PRKCA: variants seen among roughly 807,000 people sequenced by gnomAD.
The protein encoded by PRKCA is protein kinase C alpha type.
PRKCA carries 27 observed loss-of-function variants against 87.0 expected under a neutral mutation model. That is an observed-to-expected ratio of 0.31 (90% CI 0.23 to 0.43). PRKCA has a LOEUF of 0.43. Ranked by LOEUF, PRKCA falls within the 20% of genes least tolerant of loss-of-function variation. The pLI is 1.00. For missense variants in PRKCA, 518 were observed against 852.3 expected, an observed-to-expected ratio of 0.61 and a Z score of 4.88; for synonymous variants, 329 against 311.1, an observed-to-expected ratio of 1.06 and a Z score of -0.61.
intron 3 of PRKCA, among the ~76,000 whole-genome samples, chr17:66,566,472 G>GTTTT (rs1326306508): frequency 1.5e-5 from 1 of 66,166 alleles, no homozygotes; most frequent in Non-Finnish European, 2.9e-5. Flanking sequence ...AACTGTTGTT[G>GTTTT]TTTTTTGGTT....
intron 1 of PRKCA, among the ~76,000 whole-genome samples, chr17:66,305,079 C>T (rs936405117): frequency 1.3e-5 from 2 of 152,120 alleles, no homozygotes; most frequent in African/African-American, 4.8e-5. Context: ...GAAAATGCCC[C>T]CCTGAGGATC....
intron 3 of PRKCA, among the ~76,000 whole-genome samples, chr17:66,639,102 C>G (rs1971222316): frequency 6.6e-6 from 1 of 152,220 alleles, no homozygotes; most frequent in Non-Finnish European, 1.5e-5. Flanking sequence ...TGCCCTTCCC[C>G]AAACCCTGAT....
intron 2 of PRKCA, among the ~76,000 whole-genome samples, chr17:66,340,380 C>CTT (rs764343807): frequency 7.8e-5 from 10 of 127,872 alleles, no homozygotes; most frequent in Middle Eastern, 3.8e-3. Context: ...TTTTTTTTTT[C>CTT]TTTTTTTTTT....
chr17:66,798,413 A>ATGGTGGTGGTGG, intron 16 of PRKCA, among the ~76,000 whole-genome samples: 1 of 51,766 alleles, frequency 1.9e-5, no homozygotes, highest in Non-Finnish European at 3.7e-5. Context: ...GGTGATGGTG[A>ATGGTGGTGGTGG]TGGTGGTGGT....
At chr17:66,770,424 T>C (rs765491241) in intron 13 of PRKCA, among the ~76,000 whole-genome samples, 1 of 152,208 alleles carries the variant, frequency 6.6e-6, no homozygotes, top group Non-Finnish European at 1.5e-5. Flanking sequence ...TCTGTCTTTA[T>C]ATGGTATAGC....
intron 3 of PRKCA, among the ~76,000 whole-genome samples, chr17:66,517,522 C>G (rs919209351): frequency 3.9e-5 from 6 of 152,152 alleles, no homozygotes; most frequent in Non-Finnish European, 8.8e-5. Context: ...GTCCTCAGTG[C>G]TTACACAGAA....
chr17:66,783,555 G>A (rs563402404), intron 14 of PRKCA, among the ~76,000 whole-genome samples: 4 of 152,192 alleles, frequency 2.6e-5, no homozygotes, highest in Non-Finnish European at 5.9e-5. Context: ...ACCTGGCAAA[G>A]CTGGTTCCCA....
At chr17:66,404,301 C>G (rs887597511) in intron 2 of PRKCA, 1 of 152,190 alleles carries the variant, frequency 6.6e-6, no homozygotes. Flanking sequence ...TACAGGAAAT[C>G]TCCTCTGCTT....
intron 2 of PRKCA, chr17:66,416,336 G>A (rs765510040): frequency 6.6e-6 from 1 of 152,590 alleles, no homozygotes; most frequent in Non-Finnish European, 1.5e-5. Context: ...AATGGCATTA[G>A]TGCAACTCCA....
chr17:66,698,450 G>GA (rs1276389313), intron 8 of PRKCA, among the ~76,000 whole-genome samples: 1 of 152,130 alleles, frequency 6.6e-6, no homozygotes, highest in Non-Finnish European at 1.5e-5. Context: ...TACAGTGAAT[G>GA]AAATGGAAAA....
At chr17:66,322,948 A>G (rs1020051793) in intron 2 of PRKCA, among the ~76,000 whole-genome samples, 6 of 152,176 alleles carry the variant, frequency 3.9e-5, no homozygotes, top group African/African-American at 7.2e-5. Context: ...CCAGTCCTCC[A>G]TGTGCCTCAT....
chr17:66,785,912 C>A (rs570140873), intron 14 of PRKCA, among the ~76,000 whole-genome samples: 1 of 152,130 alleles, frequency 6.6e-6, no homozygotes, highest in Admixed American at 6.5e-5. Flanking sequence ...CACTGCAAGC[C>A]CCGCCTCCCA....
chr17:66,794,627 T>G (rs28398230), intron 16 of PRKCA, among the ~76,000 whole-genome samples: 19,596 of 148,606 alleles, frequency 0.13, 2,451 homozygotes, highest in African/African-American at 0.33. Flanking sequence ...GTTTTTTGTT[T>G]TTTTTTTTTT....
At chr17:66,349,644 G>A (rs1052078006) in intron 2 of PRKCA, among the ~76,000 whole-genome samples, 2 of 152,078 alleles carry the variant, frequency 1.3e-5, no homozygotes, top group African/African-American at 2.4e-5. Context: ...GGGTTTTCCC[G>A]GGCCTTTAGT....
chr17:66,437,746 T>C (rs1045696380), intron 2 of PRKCA, among the ~76,000 whole-genome samples: 3 of 5,566 alleles, frequency 5.4e-4, no homozygotes, highest in Non-Finnish European at 9.7e-4. Context: ...GGGGGGTGGG[T>C]GGGGCGGGGG....
At chr17:66,755,247 C>G (rs1288721511) in intron 13 of PRKCA, among the ~76,000 whole-genome samples, 1 of 152,226 alleles carries the variant, frequency 6.6e-6, no homozygotes. Flanking sequence ...CACGCCCCCC[C>G]AGTGCACATT....
At chr17:66,625,657 G>A (rs542918755) in intron 3 of PRKCA, among the ~76,000 whole-genome samples, 7 of 152,126 alleles carry the variant, frequency 4.6e-5, no homozygotes, top group African/African-American at 1.7e-4. Flanking sequence ...TGAGCTACTT[G>A]GAGAAAAAAA....
At chr17:66,779,262 G>A (rs1975143913) in intron 14 of PRKCA, among the ~76,000 whole-genome samples, 1 of 152,204 alleles carries the variant, frequency 6.6e-6, no homozygotes, top group Non-Finnish European at 1.5e-5. Flanking sequence ...CTTCTCATTT[G>A]CTTTATTTAT....
intron 2 of PRKCA, among the ~76,000 whole-genome samples, chr17:66,454,471 G>T (rs1443896041): frequency 6.6e-6 from 1 of 152,140 alleles, no homozygotes; most frequent in African/African-American, 2.4e-5. Flanking sequence ...CAGGATCTGG[G>T]TAGGTGTATT....
Sources: gnomAD v4.1 joint callset for allele counts (sites outside exome capture counted in the v4.1 genomes callset) on GRCh38, gnomAD v4.1.1 for gene constraint, MANE v1.5 for transcripts, NCBI Gene and HGNC (gene_info 2026-07-23, HGNC 2026-07-21) for gene names.